The following UBE2U variants were observed in gnomAD, a reference collection of about 807,000 sequenced individuals.
UBE2U encodes ubiquitin conjugating enzyme E2 U, also known as ubiquitin-conjugating enzyme E2 U.
In UBE2U, 39 loss-of-function variants were observed where a neutral mutation model predicts 41.2. The observed-to-expected ratio is 0.95, with a 90% CI of 0.73 to 1.24. The LOEUF is 1.24. Ranked by LOEUF, UBE2U falls within the 50% of genes most tolerant of loss-of-function variation. UBE2U has a pLI of 0.00. For missense variants in UBE2U, 336 were observed against 363.1 expected (o/e 0.93, Z 0.61); for synonymous variants, 107 against 117.8 (o/e 0.91, Z 0.60).
In UBE2U at chr1:64,204,007, C is replaced by A. The variant is rs1334854390; in HGVS notation, c.-44C>A. 1 of 1,577,856 alleles carries A rather than the reference C, an allele frequency of 6.3e-7. No individual in the cohort carries two copies. Among genetic ancestry groups the A allele is most frequent in the South Asian group, 1.1e-5 (1 of 89,066 alleles). ...CTTCAAACATCTGCCTCAGAGTAAA[C>A]CTGAGGCATTTGGGGACAAGTGTCA... On this transcript the variant is annotated 5_prime_UTR_variant, in exon 1 of 10. Coordinates refer to ENST00000371077, the MANE Select transcript of UBE2U (RefSeq NM_001366232.2).
At chr1:64,213,602 C>T (rs2100275389) in intron 4 of UBE2U, among the ~76,000 whole-genome samples, 1 of 152,292 alleles carries the variant, frequency 6.6e-6, no homozygotes, top group East Asian at 1.9e-4. Flanking sequence ...GGAAACAGGT[C>T]TAATTCATCC....
chr1:64,266,595 A>C (rs1291139572), intron 9 of UBE2U, among the ~76,000 whole-genome samples: 3 of 152,122 alleles, frequency 2.0e-5, no homozygotes, highest in Non-Finnish European at 4.4e-5. Context: ...GTCCTCTCAT[A>C]CCTTTGTGCT....
chr1:64,261,262 A>G (rs1164756354), intron 9 of UBE2U, among the ~76,000 whole-genome samples: 1 of 152,116 alleles, frequency 6.6e-6, no homozygotes, highest in African/African-American at 2.4e-5. Context: ...GCTACTATGG[A>G]AAGGTCACTC....
intron 5 of UBE2U, 31 bp downstream of exon 5, chr1:64,214,963 T>C: frequency 6.4e-7 from 1 of 1,564,838 alleles, no homozygotes; most frequent in Non-Finnish European, 8.8e-7. Flanking sequence ...TTAGGTGCAG[T>C]GGCTCACGCC....
At chr1:64,219,763 T>C (rs1652302240) in intron 5 of UBE2U, among the ~76,000 whole-genome samples, 1 of 151,848 alleles carries the variant, frequency 6.6e-6, no homozygotes, top group South Asian at 2.1e-4. Context: ...ACCTGGCTAA[T>C]TTTTTTGTAT....
In UBE2U at chr1:64,222,654, C is replaced by T. The variant is rs17126244; in HGVS notation, c.506+1747C>T. 5.6e-3 allele frequency among the ~76,000 whole-genome samples: 846 copies of T among 152,268 alleles called. 24 individuals carry two copies. The East Asian group carries it at 0.1, about 18-fold the overall frequency. On this transcript the variant is annotated intron_variant, in intron 6 of 9. Coordinates refer to ENST00000371077, the MANE Select transcript of UBE2U (RefSeq NM_001366232.2). ...TGTGTCTGTGAATTCTAATGTTAGC[C>T]CCTGGTACAGTTGCTCTGAAACAGA... is the stretch of plus-strand genomic sequence containing the variant.
chr1:64,255,605 A>G (rs1387741114), intron 8 of UBE2U, among the ~76,000 whole-genome samples: 1 of 152,148 alleles, frequency 6.6e-6, no homozygotes, highest in Non-Finnish European at 1.5e-5. Flanking sequence ...TTAGGGTGCA[A>G]GGTTGGCTCA....
intron 6 of UBE2U, among the ~76,000 whole-genome samples, chr1:64,231,575 C>T (rs997834794): frequency 2.0e-5 from 3 of 151,968 alleles, no homozygotes; most frequent in African/African-American, 4.8e-5. Flanking sequence ...ACAACACTTT[C>T]GAAAAATGTT....
chr1:64,206,614 C>A, intron 2 of UBE2U, 150 bp from the exon 3 acceptor site: 1 of 569,206 alleles, frequency 1.8e-6, no homozygotes, highest in East Asian at 3.0e-5. Context: ...GTTATACTAT[C>A]CAGAGGAGTC....
At chr1:64,239,180 A>AGAG in intron 7 of UBE2U, among the ~76,000 whole-genome samples, 6 of 134,474 alleles carry the variant, frequency 4.5e-5, no homozygotes, top group Admixed American at 7.5e-5. Context: ...AAGAAGAAGA[A>AGAG]GAAGAAGAAG....
intron 8 of UBE2U, among the ~76,000 whole-genome samples, chr1:64,246,043 C>G (rs995903952): frequency 5.3e-5 from 8 of 152,114 alleles, no homozygotes; most frequent in Admixed American, 4.6e-4. Context: ...TATTGCCTAT[C>G]CAATCGCAAG....
chr1:64,214,812 T>C lies in UBE2U; in HGVS notation c.340-3T>C, dbSNP rs1356468219. ...ATTATATGTTGTCTGTGTTTTCCTA[T>C]AGGTTATGCTTTCTAATCCAGTGCT... On this transcript the variant is annotated splice_polypyrimidine_tract_variant and splice_region_variant and intron_variant, in intron 4 of 9. Coordinates refer to ENST00000371077, the MANE Select transcript of UBE2U (RefSeq NM_001366232.2). The C allele has an allele frequency of 9.9e-6, 16 of 1,612,384 alleles. No individual in the cohort carries two copies. Among genetic ancestry groups the C allele is most frequent in the Non-Finnish European group, 1.3e-5 (15 of 1,178,538 alleles).
chr1:64,247,063 G>A (rs577269428), intron 8 of UBE2U, among the ~76,000 whole-genome samples: 1 of 150,406 alleles, frequency 6.6e-6, no homozygotes, highest in East Asian at 2.0e-4. Context: ...TTTCTGCTTT[G>A]TGAAATTGCC....
At chr1:64,234,941 C>T (rs2100406839) in intron 7 of UBE2U, among the ~76,000 whole-genome samples, 1 of 152,198 alleles carries the variant, frequency 6.6e-6, no homozygotes, top group African/African-American at 2.4e-5. Flanking sequence ...AGTCAAACTC[C>T]TTCCACCAAA....
At chr1:64,266,557 C>G (rs890351527) in intron 9 of UBE2U, among the ~76,000 whole-genome samples, 1 of 152,182 alleles carries the variant, frequency 6.6e-6, no homozygotes, top group Non-Finnish European at 1.5e-5. Flanking sequence ...GCGGGAGAAT[C>G]CATTCTGATC....
intron 6 of UBE2U, among the ~76,000 whole-genome samples, chr1:64,222,253 C>T (rs1652544007): frequency 6.6e-6 from 1 of 152,098 alleles, no homozygotes; most frequent in Non-Finnish European, 1.5e-5. Flanking sequence ...GTTGACCATC[C>T]TGGCATAAAA....
chr1:64,257,697 G>C (rs1009398331), intron 8 of UBE2U, among the ~76,000 whole-genome samples: 1 of 152,102 alleles, frequency 6.6e-6, no homozygotes, highest in Non-Finnish European at 1.5e-5. Context: ...GGGATGATCT[G>C]TGCAGTAATC....
At chr1:64,209,298 A>G (rs1351983815) in intron 3 of UBE2U, among the ~76,000 whole-genome samples, 2 of 152,098 alleles carry the variant, frequency 1.3e-5, no homozygotes, top group Admixed American at 1.3e-4. Flanking sequence ...GGGGGAAGGT[A>G]TAGGAAAACT....
Position 64,208,673 on chromosome 1 carries a change from G to A in UBE2U, c.241+1817G>A, listed in dbSNP as rs574697183. On this transcript the variant is annotated intron_variant, in intron 3 of 9. Coordinates refer to ENST00000371077, the MANE Select transcript of UBE2U (RefSeq NM_001366232.2). Reference sequence around the variant, plus strand: ...ATGTTTATTCCCAACAGCAATGTTAGAAATAGGAAAAATGGAAATAACTTC... The same window carrying A: ...ATGTTTATTCCCAACAGCAATGTTAAAAATAGGAAAAATGGAAATAACTTC... Among the ~76,000 whole-genome samples the A allele has an allele frequency of 3.2e-5, 3 of 94,044 alleles. No individual in the cohort carries two copies. In the South Asian group the frequency reaches 1.3e-3, roughly 40 times the overall value. 61.7% of individuals were successfully genotyped at this position (94,044 alleles called of 152,430 possible). A position where few individuals can be genotyped will look rare whatever the true frequency, so the allele number is the denominator to read the frequency against.
Sources: gnomAD v4.1 joint callset for allele counts (sites outside exome capture counted in the v4.1 genomes callset) on GRCh38, gnomAD v4.1.1 for gene constraint, MANE v1.5 for transcripts, NCBI Gene and HGNC (gene_info 2026-07-23, HGNC 2026-07-21) for gene names.